The following ZNF106 variants were observed in gnomAD, a reference collection of about 807,000 sequenced individuals.
ZNF106 encodes SH3-domain binding protein 3.
ZNF106 carries 67 observed loss-of-function variants against 195.1 expected under a neutral mutation model. The observed-to-expected ratio is 0.34, with a 90% CI of 0.28 to 0.42. The LOEUF (loss-of-function observed/expected upper bound fraction) is 0.42, where lower values mean the gene tolerates loss of function less well. ZNF106 is among the 10% of genes least tolerant of loss of function. The pLI is 1.00. For synonymous variants in ZNF106, 784 were observed against 818.6 expected, an observed-to-expected ratio of 0.96 and a Z score of 0.72; for missense variants, 2,118 against 2,304.5, an observed-to-expected ratio of 0.92 and a Z score of 1.66.
intron 2 of ZNF106, among the ~76,000 whole-genome samples, chr15:42,467,759 G>GT: frequency 6.6e-6 from 1 of 152,168 alleles, no homozygotes; most frequent in Non-Finnish European, 1.5e-5. Context: ...CAGTGAGCTG[G>GT]TATCACGCCA....
intron 3 of ZNF106, among the ~76,000 whole-genome samples, chr15:42,460,165 C>T (rs575761306): frequency 2.0e-5 from 3 of 152,210 alleles, no homozygotes; most frequent in African/African-American, 2.4e-5. Flanking sequence ...GTACCAGAGA[C>T]ATCTTTCTAT....
chr15:42,432,102 T>C (rs2055069997), intron 14 of ZNF106, among the ~76,000 whole-genome samples: 1 of 152,220 alleles, frequency 6.6e-6, no homozygotes, highest in Non-Finnish European at 1.5e-5. Context: ...GTTATATCTT[T>C]CGGGTGTGCT....
In ZNF106 at chr15:42,450,120, C is replaced by G. The variant is rs772921345; in HGVS notation, c.2152G>C (p.Glu718Gln). 1.9e-6 allele frequency: 3 copies of G among 1,614,080 alleles called. No individual in the cohort carries two copies. The highest frequency in any genetic ancestry group is 1.6e-4 in the Middle Eastern group (1 of 6,084). Reference sequence around the variant, plus strand: ...AGCTCTGCATCCAAGCTAGCACTCTCAAAGCCTTCTGTTTCATAAGATACA... The same window carrying G: ...AGCTCTGCATCCAAGCTAGCACTCTGAAAGCCTTCTGTTTCATAAGATACA... ...SHVSYETEGF[E>Q]SASLDAELQK... Residue 718 changes from glutamate (E) to glutamine (Q), a missense_variant, in exon 5 of 22, where the codon GAG (glutamate) becomes CAG (glutamine). Coordinates refer to ENST00000564754, the MANE Select transcript of ZNF106 (RefSeq NM_001366845.3).
chr15:42,440,997 AAATATATATATATATATATATATAT>A (rs1360291074), intron 10 of ZNF106, among the ~76,000 whole-genome samples: 5,751 of 51,642 alleles, frequency 0.11, 680 homozygotes, highest in South Asian at 0.23. Flanking sequence ...AAAAAAAAAA[AAATATATATATATATATATATATAT>A]ATATATATAT....
chr15:42,425,940 A>C (rs143520560), intron 15 of ZNF106, among the ~76,000 whole-genome samples: 14 of 152,210 alleles, frequency 9.2e-5, no homozygotes, highest in African/African-American at 3.1e-4. Flanking sequence ...CAGATTTTAG[A>C]CTTCTTTCCT....
chr15:42,438,587 T>C, intron 12 of ZNF106, 25 bp downstream of exon 12: 2 of 1,601,996 alleles, frequency 1.2e-6, no homozygotes, highest in Non-Finnish European at 1.7e-6. Flanking sequence ...TGTGGTTAAC[T>C]TAAATAAAAC....
chr15:42,458,734 A>C (rs1311736137), intron 3 of ZNF106, among the ~76,000 whole-genome samples: 2 of 151,256 alleles, frequency 1.3e-5, no homozygotes, highest in Non-Finnish European at 3.0e-5. Flanking sequence ...AAAAAAAACA[A>C]CACCTTACCA....
intron 7 of ZNF106, among the ~76,000 whole-genome samples, chr15:42,445,479 T>G (rs1469450026): frequency 2.0e-5 from 3 of 152,246 alleles, no homozygotes; most frequent in Non-Finnish European, 4.4e-5. Context: ...TACATTTAAC[T>G]TAGTTTGAAT....
chr15:42,455,048 G>A (rs888668881), intron 4 of ZNF106, among the ~76,000 whole-genome samples: 4 of 152,190 alleles, frequency 2.6e-5, no homozygotes, highest in Admixed American at 2.0e-4. Context: ...AATGGCACTA[G>A]TATGTAAGAA....
At chr15:42,440,629 A>C (rs1321080547) in intron 10 of ZNF106, among the ~76,000 whole-genome samples, 2 of 150,298 alleles carry the variant, frequency 1.3e-5, no homozygotes, top group East Asian at 3.9e-4. Flanking sequence ...AAAATATTTC[A>C]TGTAATCCAT....
chr15:42,431,828 G>A (rs2055057319), intron 14 of ZNF106, among the ~76,000 whole-genome samples: 1 of 152,038 alleles, frequency 6.6e-6, no homozygotes, highest in East Asian at 1.9e-4. Context: ...TGGCTAGGCT[G>A]GTCTCGAACT....
chr15:42,490,171 A>C (rs1168756808), intron 1 of ZNF106, among the ~76,000 whole-genome samples: 1 of 151,962 alleles, frequency 6.6e-6, no homozygotes, highest in Non-Finnish European at 1.5e-5. Flanking sequence ...CGGAGGTTGC[A>C]GTGAGCTAAG....
intron 1 of ZNF106, among the ~76,000 whole-genome samples, chr15:42,487,442 G>T (rs2057041688): frequency 7.9e-6 from 1 of 126,236 alleles, no homozygotes; most frequent in Non-Finnish European, 1.6e-5. Flanking sequence ...AGTGAGCCAT[G>T]ATCATGCCAC....
intron 4 of ZNF106, among the ~76,000 whole-genome samples, chr15:42,452,340 T>C (rs527557066): frequency 1.4e-4 from 21 of 151,968 alleles, no homozygotes; most frequent in Non-Finnish European, 2.2e-4. Flanking sequence ...ATGGCCGACA[T>C]GGAGAAACCC....
chr15:42,447,496 T>C (rs146052392), intron 6 of ZNF106, among the ~76,000 whole-genome samples: 63 of 152,302 alleles, frequency 4.1e-4, no homozygotes, highest in African/African-American at 1.4e-3. Context: ...AAGCCAATAT[T>C]AGCGGCAGAA....
intron 17 of ZNF106, 58 bp from the exon 18 acceptor site, chr15:42,422,678 A>G (rs1316949851): frequency 6.6e-7 from 1 of 1,520,326 alleles, no homozygotes; most frequent in Non-Finnish European, 8.8e-7. Context: ...CTTCCTGGTT[A>G]TAATTCTATA....
In ZNF106 at chr15:42,435,384, C is replaced by T; in HGVS notation, c.4881G>A (p.Lys1627=). The T allele has an allele frequency of 1.2e-6, 2 of 1,614,144 alleles. No homozygotes were observed. The highest frequency in any genetic ancestry group is 1.7e-6 in the Non-Finnish European group (2 of 1,180,022). Residue 1627 remains lysine, a splice_region_variant and synonymous_variant, in exon 14 of 22, where the codon AAG becomes AAA. Coordinates refer to ENST00000564754, the MANE Select transcript of ZNF106 (RefSeq NM_001366845.3). ...TTTGGATTTCTCTGGACCCACCTAC[C>T]TTAACATTATAGCAGCGGATGGTAT... ...SDHTIRCYNV[K]SRECVEQLQL... is the part of the protein sequence containing the mutation.
At chr15:42,419,928 C>T (rs1480351483) in intron 20 of ZNF106, among the ~76,000 whole-genome samples, 1 of 152,132 alleles carries the variant, frequency 6.6e-6, no homozygotes, top group Admixed American at 6.5e-5. Context: ...CCAGCCTGGG[C>T]AACAGAGTGA....
rs373130242 is a variant in ZNF106 at position 42,424,893 on chromosome 15, G to T, written c.5131C>A (p.Arg1711=). 1 of 1,614,062 alleles carries T rather than the reference G, an allele frequency of 6.2e-7. No homozygotes were observed. Among genetic ancestry groups the T allele is most frequent in the Admixed American group, 1.7e-5 (1 of 60,006 alleles). The change falls in exon 16 of 22, where the codon CGG becomes AGG. Residue 1711 remains arginine, a synonymous_variant. Coordinates refer to ENST00000564754, the MANE Select transcript of ZNF106 (RefSeq NM_001366845.3). ...AGAGTTCTGAGGAGCAGTCCATTCC[G>T]GGCATCGCGTACACTAATTGTGCAG... ...YDCTISVRDA[R]NGLLLRTLEG...
Sources: gnomAD v4.1 joint callset for allele counts (sites outside exome capture counted in the v4.1 genomes callset) on GRCh38, gnomAD v4.1.1 for gene constraint, MANE v1.5 for transcripts, NCBI Gene and HGNC (gene_info 2026-07-23, HGNC 2026-07-21) for gene names.